NAALADL2: variants seen among roughly 807,000 people sequenced by gnomAD.
NAALADL2 encodes the protein inactive N-acetylated-alpha-linked acidic dipeptidase-like protein 2.
Under a neutral mutation model 87.2 loss-of-function variants are expected in NAALADL2, and 76 were observed. That is an observed-to-expected ratio of 0.87 (90% confidence interval 0.72 to 1.05). The LOEUF (loss-of-function observed/expected upper bound fraction) is 1.05, where lower values mean the gene tolerates loss of function less well. Among genes scored for constraint, NAALADL2 ranks in the 50% least tolerant of loss-of-function variants. The pLI, the probability that NAALADL2 is intolerant of heterozygous loss-of-function variation, is 0.00. For synonymous variants in NAALADL2, 354 were observed against 331.0 expected (o/e 1.07, Z -0.75); for missense variants, 1,089 against 945.8 (o/e 1.15, Z -1.99).
At chr3:175,798,574 TAGGAGA>T (rs1156450790) in intron 13 of NAALADL2, among the ~76,000 whole-genome samples, 3 of 152,088 alleles carry the variant, frequency 2.0e-5, no homozygotes. Context: ...GCTTACTAGT[TAGGAGA>T]AGCAAGTGTT....
At chr3:175,248,585 C>A (rs1748441641) in intron 3 of NAALADL2, among the ~76,000 whole-genome samples, 1 of 152,056 alleles carries the variant, frequency 6.6e-6, no homozygotes, top group Non-Finnish European at 1.5e-5. Context: ...GCATTAATTT[C>A]TCTGTTTGGA....
At chr3:175,450,736 A>G (rs1205568461) in intron 6 of NAALADL2, among the ~76,000 whole-genome samples, 2 of 152,204 alleles carry the variant, frequency 1.3e-5, no homozygotes, top group Non-Finnish European at 2.9e-5. Flanking sequence ...AAAGCTACTC[A>G]TAAAATGTTG....
intron 1 of NAALADL2, among the ~76,000 whole-genome samples, chr3:174,920,611 G>A (rs1290320383): frequency 6.6e-6 from 1 of 152,188 alleles, no homozygotes; most frequent in Non-Finnish European, 1.5e-5. Flanking sequence ...CTCCATGTCA[G>A]CAATACGGTG....
intron 11 of NAALADL2, among the ~76,000 whole-genome samples, chr3:175,689,493 T>C (rs1365894055): frequency 6.6e-6 from 1 of 152,102 alleles, no homozygotes; most frequent in Non-Finnish European, 1.5e-5. Context: ...AGATAATAGA[T>C]TGAGTTTTAA....
intron 4 of NAALADL2, among the ~76,000 whole-genome samples, chr3:175,283,723 T>C (rs1754618439): frequency 6.6e-6 from 1 of 152,138 alleles, no homozygotes; most frequent in African/African-American, 2.4e-5. Context: ...CAGGTTCCTG[T>C]GCGGCTTGTG....
intron 1 of NAALADL2, among the ~76,000 whole-genome samples, chr3:174,930,614 CTTTTTTT>C (rs760690405): frequency 7.5e-5 from 5 of 66,798 alleles, no homozygotes; most frequent in East Asian, 1.2e-3. Context: ...ATAAGATGAA[CTTTTTTT>C]TTTTTTTTTT....
chr3:174,661,766 C>G (rs1725527013), intron 2 of NAALADL2, among the ~76,000 whole-genome samples: 1 of 152,104 alleles, frequency 6.6e-6, no homozygotes, highest in African/African-American at 2.4e-5. Flanking sequence ...CTATTCCACA[C>G]TCTGTGTCCA....
At chr3:175,595,108 C>A (rs973945073) in intron 10 of NAALADL2, among the ~76,000 whole-genome samples, 1 of 151,930 alleles carries the variant, frequency 6.6e-6, no homozygotes, top group Admixed American at 6.6e-5. Flanking sequence ...TATGTTTTTG[C>A]CTAGGATTTT....
intron 2 of NAALADL2, among the ~76,000 whole-genome samples, chr3:174,651,629 T>G (rs891298291): frequency 6.6e-5 from 10 of 152,158 alleles, no homozygotes; most frequent in Admixed American, 2.0e-4. Flanking sequence ...ATTTACCAAA[T>G]GTCATGTGGT....
chr3:174,595,366 T>G (rs564337515), intron 2 of NAALADL2, among the ~76,000 whole-genome samples: 1 of 152,340 alleles, frequency 6.6e-6, no homozygotes, highest in South Asian at 2.1e-4. Flanking sequence ...TCTTCATTAA[T>G]TGTTCTGTAA....
In NAALADL2 at chr3:175,199,977, C is replaced by T. The variant is rs556449306; in HGVS notation, c.546-33954C>T. On this transcript the variant is annotated intron_variant, in intron 2 of 13. Transcript: ENST00000454872. ...GTTAACCCAAAAGCAAATGCATAGGCTTAGAAATAAATACTCTTTCAGACT... is the reference window on the plus strand; with the variant it reads ...GTTAACCCAAAAGCAAATGCATAGGTTTAGAAATAAATACTCTTTCAGACT... Among the ~76,000 whole-genome samples, 17 of 144,850 alleles carry T rather than the reference C, an allele frequency of 1.2e-4. No homozygotes were observed. In the East Asian group the frequency reaches 3.6e-3, roughly 31 times the overall value.
Position 175,097,083 on chromosome 3 carries a change from T to C in NAALADL2, c.337T>C (p.Ser113Pro). 1 of 1,613,684 alleles carries C rather than the reference T, an allele frequency of 6.2e-7. No homozygotes were observed. Among genetic ancestry groups the C allele is most frequent in the Non-Finnish European group, 8.5e-7 (1 of 1,179,664 alleles). Reference protein sequence around the residue: ...ESDYITHYTRSAPKSNRCNFC... With the variant: ...ESDYITHYTRPAPKSNRCNFC... ...TGACTACATTACCCATTATACACGA[T>C]CTGCACCAAAGAGCAATCGCTGCAA... Residue 113 changes from serine (S) to proline (P), a missense_variant, in exon 2 of 14, where the codon TCT becomes CCT. Ser to Pro is a moderately conservative substitution (Grantham distance 74). Transcript: ENST00000454872.
At chr3:174,768,167 C>T (rs993262117) in intron 3 of NAALADL2, among the ~76,000 whole-genome samples, 18 of 152,104 alleles carry the variant, frequency 1.2e-4, no homozygotes, top group African/African-American at 3.4e-4. Context: ...TTAGTAATTT[C>T]GTTTTGCTTT....
At chr3:175,184,794 T>C (rs1340762704) in intron 2 of NAALADL2, among the ~76,000 whole-genome samples, 3 of 152,128 alleles carry the variant, frequency 2.0e-5, no homozygotes, top group Non-Finnish European at 4.4e-5. Flanking sequence ...ACCGAACCTC[T>C]GATTCAACTT....
intron 4 of NAALADL2, among the ~76,000 whole-genome samples, chr3:175,309,346 C>G (rs899564660): frequency 6.6e-6 from 1 of 151,994 alleles, no homozygotes; most frequent in Non-Finnish European, 1.5e-5. Context: ...CCACCATGCC[C>G]AGCTAATTTT....
intron 2 of NAALADL2, among the ~76,000 whole-genome samples, chr3:175,126,790 C>T (rs1466396232): frequency 6.6e-6 from 1 of 151,036 alleles, no homozygotes; most frequent in African/African-American, 2.4e-5. Flanking sequence ...CAAAGATAGT[C>T]CAGATTTATC....
intron 2 of NAALADL2, among the ~76,000 whole-genome samples, chr3:174,595,314 G>A (rs374902765): frequency 1.3e-5 from 2 of 151,856 alleles, no homozygotes; most frequent in African/African-American, 2.4e-5. Context: ...TGTCTTATTT[G>A]TAGGGCTACT....
chr3:175,526,212 AT>A (rs1416014775), intron 9 of NAALADL2, among the ~76,000 whole-genome samples: 7 of 152,222 alleles, frequency 4.6e-5, no homozygotes, highest in Admixed American at 3.9e-4. Context: ...CAAGCCATGC[AT>A]TTTATAGTAA....
intron 2 of NAALADL2, among the ~76,000 whole-genome samples, chr3:175,109,871 G>T (rs1723876666): frequency 6.6e-6 from 1 of 151,824 alleles, no homozygotes; most frequent in African/African-American, 2.4e-5. Context: ...AGCAGAAAGG[G>T]CAGGGGAGGA....
Sources: allele counts gnomAD v4.1 joint callset (sites outside exome capture counted in the v4.1 genomes callset), GRCh38; gene constraint gnomAD v4.1.1; transcripts MANE v1.5; gene names NCBI Gene and HGNC (gene_info 2026-07-23, HGNC 2026-07-21).